The following LRRC4C variants were observed in gnomAD, a reference collection of about 807,000 sequenced individuals.
LRRC4C encodes leucine-rich repeat-containing protein 4C.
LRRC4C carries 5 observed loss-of-function variants against 33.6 expected under a neutral mutation model. The ratio of observed to expected loss-of-function variants is 0.15; its 90% CI spans 0.08 to 0.31. The LOEUF (loss-of-function observed/expected upper bound fraction) is 0.31. Ranked by LOEUF, LRRC4C falls within the 10% of genes least tolerant of loss-of-function variation. The probability of loss-of-function intolerance (pLI) is 1.00; values close to 1 mark genes in which losing one functional copy is unlikely to be tolerated. For missense variants in LRRC4C, 560 were observed against 796.7 expected, an observed-to-expected ratio of 0.70 and a Z score of 3.58; for synonymous variants, 329 against 302.0, an observed-to-expected ratio of 1.09 and a Z score of -0.93.
rs112163235 is a variant in LRRC4C at position 40,525,723 on chromosome 11, CT to C, written c.-270+122418del. Among the ~76,000 whole-genome samples the C allele has an allele frequency of 1.2e-3, 176 of 146,880 alleles. 1 individual carries two copies. The highest frequency in any genetic ancestry group is 6.9e-3 in the East Asian group (35 of 5,076). ...AAAAATCCAAACAAAACTTCAGCAA[CT>C]TTTTTTTTTTGAGATTGGGAAGCTG... is the stretch of plus-strand genomic sequence containing the variant. On this transcript the variant is annotated intron_variant, in intron 3 of 6. Transcript: ENST00000528697.
At chr11:40,460,795 A>G (rs946590920) in intron 3 of LRRC4C, among the ~76,000 whole-genome samples, 3 of 152,190 alleles carry the variant, frequency 2.0e-5, no homozygotes, top group Non-Finnish European at 2.9e-5. Flanking sequence ...CATGAGGCAT[A>G]TATGAGAGAC....
At chr11:41,136,242 C>G (rs1160463862) in intron 1 of LRRC4C, among the ~76,000 whole-genome samples, 1 of 152,024 alleles carries the variant, frequency 6.6e-6, no homozygotes, top group Non-Finnish European at 1.5e-5. Context: ...GTGGCAAACA[C>G]TGGAAATAAA....
At chr11:40,176,537 C>T (rs1240700673) in intron 5 of LRRC4C, among the ~76,000 whole-genome samples, 1 of 149,000 alleles carries the variant, frequency 6.7e-6, no homozygotes, top group African/African-American at 2.5e-5. Flanking sequence ...TTTTTTTCCA[C>T]TCTTTTTTTT....
intron 2 of LRRC4C, among the ~76,000 whole-genome samples, chr11:40,686,780 A>G (rs1297395979): frequency 6.6e-6 from 1 of 152,128 alleles, no homozygotes; most frequent in Non-Finnish European, 1.5e-5. Flanking sequence ...TTATAACCAT[A>G]TTATAGGGTA....
At chr11:40,502,620 T>C (rs1357952592) in intron 3 of LRRC4C, among the ~76,000 whole-genome samples, 1 of 152,102 alleles carries the variant, frequency 6.6e-6, no homozygotes, top group Non-Finnish European at 1.5e-5. Context: ...GATTCAATTA[T>C]CTCCCACCTG....
At chr11:40,844,748 A>G (rs1846758961) in intron 2 of LRRC4C, among the ~76,000 whole-genome samples, 1 of 152,152 alleles carries the variant, frequency 6.6e-6, no homozygotes, top group Admixed American at 6.6e-5. Flanking sequence ...CATCCTTTAT[A>G]GGTAGCTAAA....
chr11:40,388,428 A>C (rs774751023), intron 3 of LRRC4C, among the ~76,000 whole-genome samples: 11 of 152,300 alleles, frequency 7.2e-5, no homozygotes, highest in Non-Finnish European at 1.3e-4. Flanking sequence ...TTAGACATTC[A>C]GGTTGCGCTT....
intron 3 of LRRC4C, among the ~76,000 whole-genome samples, chr11:40,414,131 C>T (rs1467372065): frequency 6.6e-6 from 1 of 151,892 alleles, no homozygotes; most frequent in Non-Finnish European, 1.5e-5. Flanking sequence ...TCATATTTGT[C>T]TTTAAATGTT....
At chr11:40,307,733 G>T (rs1377508254) in intron 4 of LRRC4C, among the ~76,000 whole-genome samples, 1 of 152,118 alleles carries the variant, frequency 6.6e-6, no homozygotes, top group Non-Finnish European at 1.5e-5. Context: ...TTAAATGTTT[G>T]TTAAATTTTA....
chr11:40,844,882 T>C (rs1378418111), intron 2 of LRRC4C, among the ~76,000 whole-genome samples: 1 of 152,172 alleles, frequency 6.6e-6, no homozygotes, highest in Non-Finnish European at 1.5e-5. Flanking sequence ...GGATATGTGA[T>C]AATGTATGTG....
intron 3 of LRRC4C, among the ~76,000 whole-genome samples, chr11:40,394,965 C>G (rs545281148): frequency 4.6e-5 from 7 of 152,170 alleles, no homozygotes; most frequent in Admixed American, 2.0e-4. Context: ...CAACTATTGG[C>G]CTTCAGAAAC....
intron 3 of LRRC4C, among the ~76,000 whole-genome samples, chr11:40,570,242 A>G (rs887461103): frequency 2.0e-5 from 3 of 152,124 alleles, no homozygotes; most frequent in Non-Finnish European, 4.4e-5. Flanking sequence ...TGAAATTTGT[A>G]TATTTTACAC....
chr11:40,120,606 GT>G (rs996218129), intron 6 of LRRC4C, among the ~76,000 whole-genome samples: 7 of 152,156 alleles, frequency 4.6e-5, no homozygotes, highest in African/African-American at 1.7e-4. Context: ...TATTTTTAGG[GT>G]TGGGGTCCCA....
At chr11:40,405,742 A>T (rs1949942845) in intron 3 of LRRC4C, among the ~76,000 whole-genome samples, 1 of 139,078 alleles carries the variant, frequency 7.2e-6, no homozygotes, top group East Asian at 2.6e-4. Flanking sequence ...AACTTTTTGT[A>T]AGTTCCTCAA....
At chr11:41,097,953 C>G (rs1009765152) in intron 1 of LRRC4C, among the ~76,000 whole-genome samples, 1 of 152,048 alleles carries the variant, frequency 6.6e-6, no homozygotes, top group Non-Finnish European at 1.5e-5. Context: ...TAAACTAAAC[C>G]AATATCTCAT....
chr11:40,430,737 A>G (rs1950889100), intron 3 of LRRC4C, among the ~76,000 whole-genome samples: 1 of 152,014 alleles, frequency 6.6e-6, no homozygotes. Flanking sequence ...CTAATATGTG[A>G]TGTTACGTCA....
At chr11:40,329,785 A>G (rs1354995740) in intron 3 of LRRC4C, among the ~76,000 whole-genome samples, 2 of 137,680 alleles carry the variant, frequency 1.5e-5, no homozygotes, top group East Asian at 2.1e-4. Flanking sequence ...TCTGTCGCCC[A>G]GGCTGGAGTG....
At chr11:40,399,948 A>T (rs28528889) in intron 3 of LRRC4C, among the ~76,000 whole-genome samples, 6 of 152,106 alleles carry the variant, frequency 3.9e-5, no homozygotes, top group African/African-American at 7.2e-5. Flanking sequence ...TAGATTTTTT[A>T]AAAAATAACT....
At chr11:40,131,537 G>T (rs1020208776) in intron 6 of LRRC4C, among the ~76,000 whole-genome samples, 1 of 152,142 alleles carries the variant, frequency 6.6e-6, no homozygotes, top group Non-Finnish European at 1.5e-5. Context: ...GATTGTTGCA[G>T]ATTTCTAGCT....
Sources: gnomAD v4.1 joint callset for allele counts (sites outside exome capture counted in the v4.1 genomes callset) on GRCh38, gnomAD v4.1.1 for gene constraint, MANE v1.5 for transcripts, NCBI Gene and HGNC (gene_info 2026-07-23, HGNC 2026-07-21) for gene names.